IGSF22: variants seen among roughly 807,000 people sequenced by gnomAD.
IGSF22 encodes the protein immunoglobulin superfamily, member 22.
A neutral mutation model predicts 127.0 loss-of-function variants in IGSF22; 119 were observed. That is an observed-to-expected ratio of 0.94 (90% CI 0.81 to 1.09). The LOEUF is 1.09. Among genes scored for constraint, IGSF22 ranks in the 50% least tolerant of loss-of-function variants. IGSF22 has a pLI of 0.00. For missense variants in IGSF22, 1,518 were observed against 1,716.6 expected (o/e 0.88, Z 2.04); for synonymous variants, 568 against 664.7 (o/e 0.85, Z 2.24).
chr11:18,710,381 C>T lies in IGSF22; in HGVS notation c.2647G>A (p.Gly883Ser), dbSNP rs749260612. The T allele has an allele frequency of 1.9e-6, 3 of 1,614,220 alleles. No homozygotes were observed. The highest frequency in any genetic ancestry group is 2.5e-6 in the Non-Finnish European group (3 of 1,180,046). ...EFRVIAVNKA[G>S]PGQPSVPSSS... ...GATGGCACACTGGGCTGTCCAGGGC[C>T]TGCCTTATTTACAGCTATAACTCGG... The change falls in exon 17 of 23, where the codon GGC becomes AGC. Residue 883 changes from glycine to serine, a missense_variant. Physicochemically the swap from Gly to Ser is moderately conservative, Grantham distance 56. Coordinates refer to ENST00000513874, the MANE Select transcript of IGSF22 (RefSeq NM_173588.4).
At chr11:18,714,458 G>A (rs1848421255) in intron 12 of IGSF22, 40 bp from the exon 13 acceptor site, 1 of 1,614,068 alleles carries the variant, frequency 6.2e-7, no homozygotes, top group Admixed American at 1.7e-5. Flanking sequence ...GCATAGGCCA[G>A]GTCTACCTCC....
At chr11:18,724,428 C>T (rs1286069375) in intron 1 of IGSF22, among the ~76,000 whole-genome samples, 159 bp from the exon 2 acceptor site, 5 of 152,214 alleles carry the variant, frequency 3.3e-5, no homozygotes, top group Non-Finnish European at 7.3e-5. Flanking sequence ...GCTTCCTTTT[C>T]CTGGTTAGTT....
chr11:18,711,650 G>A (rs1195462029), intron 15 of IGSF22, among the ~76,000 whole-genome samples: 2 of 152,096 alleles, frequency 1.3e-5, no homozygotes, highest in African/African-American at 2.4e-5. Context: ...CTCCCACCTC[G>A]GCCTCCCAAA....
Position 18,707,062 on chromosome 11 carries a change from C to G in IGSF22, c.3432G>C (p.Thr1144=). Reference sequence around the variant, plus strand: ...TGTTGCTGAAGACACGCTCGGCTGCCGTGTACCAGGTGGCTGTGCTTGCAT... The same window carrying G: ...TGTTGCTGAAGACACGCTCGGCTGCGGTGTACCAGGTGGCTGTGCTTGCAT... ...KRDASTATWY[T]AAERVFSNKY... The change falls in exon 21 of 23, where the codon ACG becomes ACC. Residue 1144 remains threonine (T), a synonymous_variant. Coordinates refer to ENST00000513874, the MANE Select transcript of IGSF22 (RefSeq NM_173588.4). The G allele has an allele frequency of 6.4e-7, 1 of 1,551,740 alleles. No individual in the cohort carries two copies. Among genetic ancestry groups the G allele is most frequent in the African/African-American group, 1.4e-5 (1 of 73,176 alleles).
chr11:18,719,767 A>C lies in IGSF22; in HGVS notation c.645T>G (p.Phe215Leu), dbSNP rs1444464867. The C allele has an allele frequency of 6.2e-7, 1 of 1,614,136 alleles. No individual in the cohort carries two copies. Among genetic ancestry groups the C allele is most frequent in the Admixed American group, 1.7e-5 (1 of 60,004 alleles). The part of the protein sequence containing the change: ...KVCMEYGFTD[F>L]RGLLRKLKEM... ...CTTTGAGCTTCCTGAGCAGCCCCCG[A>C]AAGTCGGTGAAACCATACTCCATGC... The change falls in exon 7 of 23, where the codon TTT (phenylalanine) becomes TTG (leucine). Residue 215 changes from phenylalanine (F) to leucine (L), a missense_variant. Physicochemically the swap from Phe to Leu is conservative, Grantham distance 22 (BLOSUM62 0). Coordinates refer to ENST00000513874, the MANE Select transcript of IGSF22 (RefSeq NM_173588.4).
Position 18,714,633 on chromosome 11 carries a change from A to G in IGSF22, c.1532-9T>C. On this transcript the variant is annotated splice_polypyrimidine_tract_variant and intron_variant, in intron 11 of 22. Transcript: ENST00000513874. ...CACTGTGGCCAGACGCTCTGGGGAG[A>G]AAGGTGGGCAAGGGACTGGCTCAGG... The G allele has an allele frequency of 6.2e-7, 1 of 1,613,440 alleles. No individual in the cohort carries two copies. Among genetic ancestry groups the G allele is most frequent in the Non-Finnish European group, 8.5e-7 (1 of 1,179,988 alleles).
In IGSF22 at chr11:18,710,475, G is replaced by C. The variant is rs756506666; in HGVS notation, c.2573-20C>G. ...TGGTGCCTGAAATGGGAAGATGAGG[G>C]GTCGTGAGGCCAGAGGCATCCATGG... On this transcript the variant is annotated intron_variant, in intron 16 of 22. Coordinates refer to ENST00000513874, the MANE Select transcript of IGSF22 (RefSeq NM_173588.4). 2 of 1,613,508 alleles carry C rather than the reference G, an allele frequency of 1.2e-6. No individual in the cohort carries two copies. The highest frequency in any genetic ancestry group is 3.3e-5 in the Admixed American group (2 of 60,014).
intron 21 of IGSF22, 28 bp from the exon 22 acceptor site, chr11:18,706,174 G>A (rs1230902658): frequency 2.2e-5 from 34 of 1,517,920 alleles, no homozygotes; most frequent in Non-Finnish European, 3.0e-5. Flanking sequence ...GGCAGGCCGT[G>A]AGGGCGCCCC....
rs1367870591 is a variant in IGSF22, at chr11:18,710,802, G to A, written c.2425C>T (p.Gln809Ter). The change falls in exon 16 of 23, where the codon CAA becomes TAA. Residue 809 changes from glutamine to a stop codon, truncating the protein, a stop_gained. Transcript: ENST00000513874. LOFTEE classifies it high-confidence loss of function. ...IEPPGFASQP[Q>*]VTDVTKEAVT... The stretch of plus-strand genomic sequence containing the variant: ...GCTTCTTTAGTCACATCAGTCACTT[G>A]AGGCTGGGAGGCAAAACCAGGAGGC... The A allele has an allele frequency of 2.5e-6, 4 of 1,613,402 alleles. No homozygotes were observed. The highest frequency in any genetic ancestry group is 3.4e-6 in the Non-Finnish European group (4 of 1,179,436).
chr11:18,716,971 T>C lies in IGSF22; in HGVS notation c.1003A>G (p.Lys335Glu), dbSNP rs1238394171. Reference sequence around the variant, plus strand: ...TGGCGCTCTGTCACCTTCACAGGCTTCATCTCTCCCAGGAACTTCAGTGGC... The same window carrying C: ...TGGCGCTCTGTCACCTTCACAGGCTCCATCTCTCCCAGGAACTTCAGTGGC... ...DEPLKFLGEMKPVKVTERQTA... is the reference protein window; with the variant it reads ...DEPLKFLGEMEPVKVTERQTA... The change falls in exon 10 of 23, where the codon AAG becomes GAG. Residue 335 changes from lysine (K) to glutamate (E), a missense_variant. Transcript: ENST00000513874. This position sits in a 1 kb window ranked among gnomAD's most constrained non-coding sequence, Gnocchi z 4.5. 2 of 1,614,202 alleles carry C rather than the reference T, an allele frequency of 1.2e-6. No homozygotes were observed. Among genetic ancestry groups the C allele is most frequent in the South Asian group, 2.2e-5 (2 of 91,080 alleles).
chr11:18,715,005 C>T (rs1001042095), intron 11 of IGSF22, among the ~76,000 whole-genome samples: 1 of 129,932 alleles, frequency 7.7e-6, no homozygotes, highest in African/African-American at 3.0e-5. Flanking sequence ...GTTGTGGTTA[C>T]GCTAGACTGT....
Position 18,714,052 on chromosome 11 carries a change from C to T in IGSF22, c.1895G>A (p.Arg632Gln), listed in dbSNP as rs371087276. 42 of 1,614,156 alleles carry T rather than the reference C, an allele frequency of 2.6e-5. No individual in the cohort carries two copies. The highest frequency in any genetic ancestry group is 1.6e-4 in the Middle Eastern group (1 of 6,084). ...TGTCACTTTGGGCAGTGGTTTTCCC[C>T]GGAAGGGGACCTTGATGTGGGCCGT... Reference protein sequence around the residue: ...GHTAHIKVPFRGKPLPKVTWY... With the variant: ...GHTAHIKVPFQGKPLPKVTWY... The change falls in exon 14 of 23, where the codon CGG becomes CAG. Residue 632 changes from arginine (R) to glutamine (Q), a missense_variant. Transcript: ENST00000513874.
chr11:18,710,673 TGAC>T lies in IGSF22; in HGVS notation c.2551_2553del (p.Val851del). 6.2e-7 allele frequency: 1 copy of T among 1,612,862 alleles called. No individual in the cohort carries two copies. Among genetic ancestry groups the T allele is most frequent in the South Asian group, 1.1e-5 (1 of 91,056 alleles). On this transcript the variant is annotated inframe_deletion, in exon 16 of 23. Coordinates refer to ENST00000513874, the MANE Select transcript of IGSF22 (RefSeq NM_173588.4). Reference sequence around the variant, plus strand: ...ACCTCACCCTGGATGGGGTCCTTGTTGACTGGCACCCACAGGTTGCTGCCTTTC... The same window carrying T: ...ACCTCACCCTGGATGGGGTCCTTGTTTGGCACCCACAGGTTGCTGCCTTTC...
chr11:18,718,323 G>A (rs1447349132), intron 8 of IGSF22, among the ~76,000 whole-genome samples: 1 of 152,322 alleles, frequency 6.6e-6, no homozygotes, highest in East Asian at 1.9e-4. Context: ...GAGTTCATTA[G>A]ATGCTTTCCC....
rs139558433 is a variant in IGSF22 at position 18,704,613 on chromosome 11, T to C, written c.3911-75A>G. 6.4e-3 allele frequency: 6,108 copies of C among 953,874 alleles called. 30 individuals carry two copies. The highest frequency in any genetic ancestry group is 0.016 in the South Asian group (1,127 of 71,978). The allele number at this position is 953,874 out of a possible 1,614,324, so 59.1% of individuals were successfully genotyped here. The stretch of plus-strand genomic sequence containing the variant: ...GGAAATTCCAAACTGCTGGACTTCC[T>C]ATGCAGGAAACCAGGAGCTGGACCC... On this transcript the variant is annotated intron_variant, in intron 22 of 22. Transcript: ENST00000513874.
At chr11:18,705,234 G>T (rs1465457448) in intron 22 of IGSF22, among the ~76,000 whole-genome samples, 1 of 152,114 alleles carries the variant, frequency 6.6e-6, no homozygotes, top group East Asian at 1.9e-4. Context: ...AGCAAGGCAG[G>T]CCAGCTTTGC....
At chr11:18,711,114 T>C (rs1848348122) in intron 15 of IGSF22, among the ~76,000 whole-genome samples, 1 of 149,510 alleles carries the variant, frequency 6.7e-6, no homozygotes, top group Admixed American at 6.7e-5. Context: ...TAACATCAAG[T>C]GGGAAGTAAA....
Position 18,709,331 on chromosome 11 carries a change from G to T in IGSF22, c.2998+56C>A, listed in dbSNP as rs936737671. 43 of 1,540,048 alleles carry T rather than the reference G, an allele frequency of 2.8e-5. No individual in the cohort carries two copies. In the Middle Eastern group the frequency reaches 2.0e-3, roughly 72 times the overall value. Reference sequence around the variant, plus strand: ...TCCTGTGGGATGAGGCCCCAGAGGAGAAGGTTTGGAGGTACAATGTTGGGC... The same window carrying T: ...TCCTGTGGGATGAGGCCCCAGAGGATAAGGTTTGGAGGTACAATGTTGGGC... On this transcript the variant is annotated intron_variant, in intron 18 of 22. Coordinates refer to ENST00000513874, the MANE Select transcript of IGSF22 (RefSeq NM_173588.4). This position sits in a 1 kb window ranked among gnomAD's most constrained non-coding sequence, Gnocchi z 4.8.
At chr11:18,710,587 G>A in intron 16 of IGSF22, 68 bp downstream of exon 16, 2 of 1,582,822 alleles carry the variant, frequency 1.3e-6, no homozygotes, top group Non-Finnish European at 1.7e-6. Context: ...GACTGTGTCA[G>A]TAGTTAATGG....
Sources: allele counts gnomAD v4.1 joint callset (sites outside exome capture counted in the v4.1 genomes callset), GRCh38; gene constraint gnomAD v4.1.1; non-coding constraint Gnocchi (gnomAD v3.1); transcripts MANE v1.5; gene names NCBI Gene and HGNC (gene_info 2026-07-23, HGNC 2026-07-21).